SORCS2: variants seen among roughly 807,000 people sequenced by gnomAD.
SORCS2 encodes VPS10 domain-containing receptor SorCS2.
Under a neutral mutation model 141.6 loss-of-function variants are expected in SORCS2, and 100 were observed. The ratio of observed to expected loss-of-function variants is 0.71; its 90% CI spans 0.60 to 0.83. The LOEUF is 0.83. Among genes scored for constraint, SORCS2 ranks in the 40% least tolerant of loss-of-function variants. The probability of loss-of-function intolerance (pLI) is 0.00; values close to 1 mark genes in which losing one functional copy is unlikely to be tolerated. For synonymous variants in SORCS2, 789 were observed against 676.9 expected, an observed-to-expected ratio of 1.17 and a Z score of -2.57; for missense variants, 1,646 against 1,560.2, an observed-to-expected ratio of 1.05 and a Z score of -0.93.
intron 3 of SORCS2, among the ~76,000 whole-genome samples, chr4:7,543,487 TCATCCATC>T (rs144933241): frequency 0.68 from 77,365 of 113,508 alleles, 25,960 homozygotes; most frequent in South Asian, 0.78. Flanking sequence ...ATTCACCCAC[TCATCCATC>T]CATCCATCCA....
At chr4:7,568,765 C>G (rs1314674608) in intron 3 of SORCS2, among the ~76,000 whole-genome samples, 2 of 152,202 alleles carry the variant, frequency 1.3e-5, no homozygotes, top group Non-Finnish European at 2.9e-5. Context: ...GTTTGGGAAC[C>G]ATAGTGCTAT....
At chr4:7,629,855 C>G (rs992330623) in intron 3 of SORCS2, among the ~76,000 whole-genome samples, 3 of 152,098 alleles carry the variant, frequency 2.0e-5, no homozygotes, top group Non-Finnish European at 4.4e-5. Flanking sequence ...CTACTGCATC[C>G]CCATCTCTGC....
At chr4:7,487,506 A>G (rs1263506802) in intron 2 of SORCS2, among the ~76,000 whole-genome samples, 1 of 152,180 alleles carries the variant, frequency 6.6e-6, no homozygotes, top group East Asian at 1.9e-4. Flanking sequence ...GTAAATTGTA[A>G]GGAAAAATAT....
Position 7,717,983 on chromosome 4 carries a change from C to A in SORCS2, c.2253-29C>A, listed in dbSNP as rs371865853. Reference sequence around the variant, plus strand: ...CCCATCCCTTGCCACCTGTCTGAAGCGGACCCTGACCCTCTCTTGTCAATC... The same window carrying A: ...CCCATCCCTTGCCACCTGTCTGAAGAGGACCCTGACCCTCTCTTGTCAATC... On this transcript the variant is annotated intron_variant, in intron 17 of 26. Coordinates refer to ENST00000507866, the MANE Select transcript of SORCS2 (RefSeq NM_020777.3). The A allele has an allele frequency of 2.2e-5, 35 of 1,568,712 alleles. No individual in the cohort carries two copies. The African/African-American group carries it at 4.5e-4, about 20-fold the overall frequency.
chr4:7,728,248 C>G (rs1038530690), intron 21 of SORCS2, 102 bp from the exon 22 acceptor site: 5 of 764,574 alleles, frequency 6.5e-6, no homozygotes, highest in Non-Finnish European at 1.1e-5. Context: ...AAAGGCCTCC[C>G]GGGACCATCC....
chr4:7,619,191 C>T (rs1718977528), intron 3 of SORCS2, among the ~76,000 whole-genome samples: 1 of 152,184 alleles, frequency 6.6e-6, no homozygotes, highest in Non-Finnish European at 1.5e-5. Context: ...CACTCGGCAC[C>T]TGGCTAATAG....
intron 5 of SORCS2, 50 bp from the exon 6 acceptor site, chr4:7,661,450 C>A: frequency 6.5e-7 from 1 of 1,537,316 alleles, no homozygotes; most frequent in Non-Finnish European, 8.8e-7. Flanking sequence ...AGCTGGGGGA[C>A]GGGCATGGTG....
chr4:7,295,750 C>T (rs757895076), intron 1 of SORCS2, among the ~76,000 whole-genome samples: 5 of 152,218 alleles, frequency 3.3e-5, no homozygotes, highest in Non-Finnish European at 5.9e-5. Flanking sequence ...GGATATGGCA[C>T]CCACCATTTG....
At chr4:7,315,531 A>AG (rs141257919) in intron 1 of SORCS2, among the ~76,000 whole-genome samples, 34,274 of 152,148 alleles carry the variant, frequency 0.23, 4,203 homozygotes, top group Middle Eastern at 0.3. Flanking sequence ...GGAGTAGCCC[A>AG]GGGTCTGGGG....
intron 19 of SORCS2, among the ~76,000 whole-genome samples, chr4:7,724,123 G>GATGGTGGTGGTGGTGGTGATGGTC (rs1284584882): frequency 7.2e-6 from 1 of 139,728 alleles, no homozygotes; most frequent in Non-Finnish European, 1.5e-5. Context: ...TGATGGTGGT[G>GATGGTGGTGGTGGTGGTGATGGTC]GTGGTGGTGG....
chr4:7,486,146 C>A (rs941423091), intron 2 of SORCS2, among the ~76,000 whole-genome samples: 4 of 152,162 alleles, frequency 2.6e-5, no homozygotes, highest in Admixed American at 2.6e-4. Context: ...GTGACAGGGA[C>A]CTGCAGCACC....
chr4:7,386,169 A>G (rs1010340232), intron 1 of SORCS2, among the ~76,000 whole-genome samples: 18 of 128,688 alleles, frequency 1.4e-4, no homozygotes, highest in Non-Finnish European at 2.7e-4. Context: ...AGAGATACAC[A>G]TGCGCACGCA....
At position 7,352,656 on chromosome 4, in the gene SORCS2, C is replaced by T. The variant is rs116207942; in HGVS notation, c.481-43632C>T. The stretch of plus-strand genomic sequence containing the variant: ...GGCTCCAGGCTCTGCGTCACATGCT[C>T]ACTTAGTGAGCTCACTTGGCAGTGC... On this transcript the variant is annotated intron_variant, in intron 1 of 26. Coordinates refer to ENST00000507866, the MANE Select transcript of SORCS2 (RefSeq NM_020777.3). Among the ~76,000 whole-genome samples the T allele has an allele frequency of 5.7e-3, 861 of 152,300 alleles. 8 individuals are homozygous for T. The highest frequency in any genetic ancestry group is 0.019 in the African/African-American group (802 of 41,560).
intron 1 of SORCS2, among the ~76,000 whole-genome samples, chr4:7,285,036 A>ATAT (rs1553826991): frequency 0.16 from 22,412 of 139,732 alleles, 2,373 homozygotes; most frequent in Non-Finnish European, 0.23. Flanking sequence ...ATATATATAT[A>ATAT]TTTTTTTTTT....
intron 2 of SORCS2, among the ~76,000 whole-genome samples, chr4:7,455,480 G>T (rs1728837925): frequency 7.0e-6 from 1 of 142,394 alleles, no homozygotes; most frequent in African/African-American, 2.6e-5. Flanking sequence ...CTGTATTGGG[G>T]TCAGGCTCCG....
At chr4:7,334,271 G>A (rs770098862) in intron 1 of SORCS2, among the ~76,000 whole-genome samples, 4 of 152,084 alleles carry the variant, frequency 2.6e-5, no homozygotes, top group Non-Finnish European at 5.9e-5. Context: ...GCCCCTTCCC[G>A]CAGCAGCCAC....
chr4:7,268,647 C>T (rs145765537), intron 1 of SORCS2, among the ~76,000 whole-genome samples: 94 of 152,330 alleles, frequency 6.2e-4, no homozygotes, highest in Admixed American at 6.5e-4. Context: ...TTTGCACACA[C>T]GAGTGGGTGA....
At position 7,604,815 on chromosome 4, in the gene SORCS2, T is replaced by C. The variant is rs545769752; in HGVS notation, c.649-33513T>C. Among the ~76,000 whole-genome samples the C allele has an allele frequency of 4.6e-5, 7 of 152,188 alleles. 1 individual carries two copies. The highest frequency in any genetic ancestry group is 8.8e-5 in the Non-Finnish European group (6 of 68,032). On this transcript the variant is annotated intron_variant, in intron 3 of 26. Transcript: ENST00000507866. ...TTATAGCAGTGTGAGAACAGACTAA[T>C]ACAAGGCCAGTTCATCCTTACAACA...
chr4:7,584,157 T>C (rs766132690), intron 3 of SORCS2, among the ~76,000 whole-genome samples: 4 of 152,232 alleles, frequency 2.6e-5, no homozygotes, highest in African/African-American at 9.6e-5. Context: ...GCATAGCAGG[T>C]GTTCCATAAA....
Sources: allele counts gnomAD v4.1 joint callset (sites outside exome capture counted in the v4.1 genomes callset), GRCh38; gene constraint gnomAD v4.1.1; transcripts MANE v1.5; gene names NCBI Gene and HGNC (gene_info 2026-07-23, HGNC 2026-07-21).